The following LDB2 variants were observed in gnomAD, a reference collection of about 807,000 sequenced individuals.
The protein encoded by LDB2 is LIM domain binding 2.
A neutral mutation model predicts 44.3 loss-of-function variants in LDB2; 12 were observed. That is an observed-to-expected ratio of 0.27 (90% CI 0.17 to 0.44). The LOEUF is 0.44. Ranked by LOEUF, LDB2 falls within the 20% of genes least tolerant of loss-of-function variation. LDB2 has a pLI of 1.00. For synonymous variants in LDB2, 164 were observed against 174.8 expected (o/e 0.94, Z 0.49); for missense variants, 344 against 473.5 (o/e 0.73, Z 2.54).
chr4:16,752,560 G>T, intron 2 of LDB2: 1 of 351,074 alleles, frequency 2.8e-6, no homozygotes, highest in Non-Finnish European at 5.5e-6. Flanking sequence ...AATTTGAAGT[G>T]GCTGTTGTCT....
chr4:16,824,539 T>C (rs900202766), intron 1 of LDB2, among the ~76,000 whole-genome samples: 4 of 152,260 alleles, frequency 2.6e-5, no homozygotes, highest in Non-Finnish European at 4.4e-5. Flanking sequence ...TCTTATGTAG[T>C]AGGTTTTATC....
chr4:16,580,854 C>T (rs1714099307), intron 5 of LDB2, among the ~76,000 whole-genome samples: 1 of 152,198 alleles, frequency 6.6e-6, no homozygotes, highest in Non-Finnish European at 1.5e-5. Context: ...GTCCACCCCT[C>T]TTTTCTTTAT....
At chr4:16,759,301 G>T (rs1406414356) in intron 1 of LDB2, 41 bp from the exon 2 acceptor site, 1 of 1,371,048 alleles carries the variant, frequency 7.3e-7, no homozygotes, top group East Asian at 2.3e-5. Context: ...GGGAAAGTGG[G>T]AAATATCTCA....
chr4:16,637,588 A>T (rs980088910), intron 2 of LDB2, among the ~76,000 whole-genome samples: 5 of 152,078 alleles, frequency 3.3e-5, no homozygotes, highest in African/African-American at 1.2e-4. Flanking sequence ...TGTTGCACAA[A>T]TTAATATATA....
intron 2 of LDB2, among the ~76,000 whole-genome samples, chr4:16,755,542 AC>A (rs1766439192): frequency 3.2e-5 from 1 of 31,148 alleles, no homozygotes; most frequent in African/African-American, 7.0e-5. Context: ...AGAGAGAGAG[AC>A]AGACAGACAG....
At chr4:16,704,414 A>G (rs1754150450) in intron 2 of LDB2, among the ~76,000 whole-genome samples, 1 of 152,184 alleles carries the variant, frequency 6.6e-6, no homozygotes, top group Non-Finnish European at 1.5e-5. Context: ...ATTGTTAATT[A>G]TTATTTTTTG....
At chr4:16,631,866 C>T (rs1732056403) in intron 2 of LDB2, among the ~76,000 whole-genome samples, 1 of 152,190 alleles carries the variant, frequency 6.6e-6, no homozygotes, top group Admixed American at 6.5e-5. Context: ...GACACATACA[C>T]CTTCCCAAGA....
chr4:16,623,231 T>C (rs1206711164), intron 2 of LDB2, among the ~76,000 whole-genome samples: 4 of 152,054 alleles, frequency 2.6e-5, no homozygotes, highest in African/African-American at 7.2e-5. Context: ...AAAGAACATA[T>C]ACAGTAAACA....
rs368312712 is a variant in LDB2, at chr4:16,693,127, GAGA to G, written c.235+66028_235+66030del. Among the ~76,000 whole-genome samples the G allele has an allele frequency of 3.0e-3, 464 of 152,246 alleles. 2 individuals are homozygous for G. The highest frequency in any genetic ancestry group is 0.011 in the African/African-American group (445 of 41,546). ...GGCTTCAGGCAGGATATTGGCAGTG[GAGA>G]CACCATGTCCTGAGATACACAAGGA... On this transcript the variant is annotated intron_variant, in intron 2 of 7. Transcript: ENST00000304523.
At chr4:16,746,057 G>A (rs112920799) in intron 2 of LDB2, among the ~76,000 whole-genome samples, 1 of 152,252 alleles carries the variant, frequency 6.6e-6, no homozygotes, top group African/African-American at 2.4e-5. Flanking sequence ...ACTGATGATG[G>A]AATGACGCAT....
chr4:16,623,319 C>T (rs1729381792), intron 2 of LDB2, among the ~76,000 whole-genome samples: 1 of 152,118 alleles, frequency 6.6e-6, no homozygotes. Flanking sequence ...GACTATCGGC[C>T]GGACGCAGTG....
chr4:16,746,000 G>A (rs1052991514), intron 2 of LDB2, among the ~76,000 whole-genome samples: 9 of 151,862 alleles, frequency 5.9e-5, no homozygotes, highest in Admixed American at 2.0e-4. Flanking sequence ...CGCTTTTGTC[G>A]TCTCTTCAAC....
At chr4:16,562,098 T>C (rs1001033462) in intron 5 of LDB2, among the ~76,000 whole-genome samples, 2 of 152,072 alleles carry the variant, frequency 1.3e-5, no homozygotes, top group African/African-American at 4.8e-5. Context: ...AAACGTTAGA[T>C]CTAAAACCAT....
chr4:16,555,620 C>A (rs192142215), intron 5 of LDB2, among the ~76,000 whole-genome samples: 3 of 152,146 alleles, frequency 2.0e-5, no homozygotes, highest in South Asian at 2.1e-4. Context: ...TTCTTGAATG[C>A]GAAACTTCTA....
At chr4:16,838,111 T>C (rs779109713) in intron 1 of LDB2, among the ~76,000 whole-genome samples, 3 of 152,186 alleles carry the variant, frequency 2.0e-5, no homozygotes, top group Non-Finnish European at 2.9e-5. Flanking sequence ...GAGCCCTGTT[T>C]GTATGAACAG....
At chr4:16,650,562 G>C (rs1390120853) in intron 2 of LDB2, among the ~76,000 whole-genome samples, 1 of 152,146 alleles carries the variant, frequency 6.6e-6, no homozygotes, top group African/African-American at 2.4e-5. Flanking sequence ...AAACAACTGT[G>C]TTCTGGAACT....
chr4:16,696,272 C>T (rs1752107186), intron 2 of LDB2, among the ~76,000 whole-genome samples: 1 of 152,130 alleles, frequency 6.6e-6, no homozygotes, highest in East Asian at 1.9e-4. Flanking sequence ...GCTGCCCTTC[C>T]AGCTGGATCA....
At chr4:16,806,230 T>C (rs1398402630) in intron 1 of LDB2, among the ~76,000 whole-genome samples, 4 of 152,200 alleles carry the variant, frequency 2.6e-5, no homozygotes, top group Non-Finnish European at 5.9e-5. Flanking sequence ...TCTACCTTCT[T>C]TGACTCCGCA....
At chr4:16,794,998 T>C (rs922923256) in intron 1 of LDB2, among the ~76,000 whole-genome samples, 2 of 152,060 alleles carry the variant, frequency 1.3e-5, no homozygotes. Context: ...AGACACAACC[T>C]AGTAGACAAT....
Sources: gnomAD v4.1 joint callset for allele counts (sites outside exome capture counted in the v4.1 genomes callset) on GRCh38, gnomAD v4.1.1 for gene constraint, MANE v1.5 for transcripts, NCBI Gene and HGNC (gene_info 2026-07-23, HGNC 2026-07-21) for gene names.